Variants in SHISA9 observed in about 807,000 individuals in gnomAD.
The protein encoded by SHISA9 is shisa family member 9, also known as protein shisa-9.
In SHISA9, 13 loss-of-function variants were observed where a neutral mutation model predicts 38.0. That is an observed-to-expected ratio of 0.34 (90% CI 0.22 to 0.54). SHISA9 has a LOEUF of 0.54. Ranked by LOEUF, SHISA9 falls within the 20% of genes least tolerant of loss-of-function variation. The pLI is 0.91. For synonymous variants in SHISA9, 275 were observed against 242.0 expected, an observed-to-expected ratio of 1.14 and a Z score of -1.27; for missense variants, 538 against 575.8, an observed-to-expected ratio of 0.93 and a Z score of 0.67.
chr16:13,041,527 C>G (rs1299927273), intron 2 of SHISA9, among the ~76,000 whole-genome samples: 1 of 152,220 alleles, frequency 6.6e-6, no homozygotes, highest in East Asian at 1.9e-4. Flanking sequence ...TTCCTACCAG[C>G]CACTCAAGTT....
intron 2 of SHISA9, among the ~76,000 whole-genome samples, chr16:12,956,819 A>G (rs2071841670): frequency 1.3e-5 from 2 of 152,154 alleles, no homozygotes; most frequent in Non-Finnish European, 1.5e-5. Flanking sequence ...CCCAATCTCC[A>G]CCATTACACA....
the SHISA9 span, among the ~76,000 whole-genome samples, chr16:13,454,143 C>T: frequency 2.6e-5 from 4 of 152,096 alleles, no homozygotes; most frequent in Admixed American, 6.6e-5. Context: ...AAAGGGCTCC[C>T]CCTGCAGGAC....
intron 2 of SHISA9, among the ~76,000 whole-genome samples, chr16:13,001,292 A>G (rs138267103): frequency 0.013 from 1,945 of 152,266 alleles, 12 homozygotes; most frequent in South Asian, 0.027. Flanking sequence ...GATCGCCACA[A>G]TAATTAGGGG....
chr16:13,281,375 T>A, the SHISA9 span, among the ~76,000 whole-genome samples: 14 of 151,918 alleles, frequency 9.2e-5, no homozygotes, highest in Admixed American at 7.2e-4. Context: ...CTTTTTTCGA[T>A]TATTTTAATC....
the SHISA9 span, among the ~76,000 whole-genome samples, chr16:13,278,994 G>T: frequency 2.6e-5 from 4 of 151,928 alleles, no homozygotes; most frequent in Admixed American, 2.6e-4. Flanking sequence ...CTTGAGGTGT[G>T]ACCTTAGAAT....
the SHISA9 span, among the ~76,000 whole-genome samples, chr16:13,517,293 T>C: frequency 6.6e-6 from 1 of 152,214 alleles, no homozygotes; most frequent in Admixed American, 6.5e-5. Flanking sequence ...GGAACTACCC[T>C]GAAGATACCT....
chr16:13,408,473 G>C, the SHISA9 span, among the ~76,000 whole-genome samples: 1 of 151,994 alleles, frequency 6.6e-6, no homozygotes, highest in African/African-American at 2.4e-5. Context: ...CAATAATTTT[G>C]TAGTATTATT....
chr16:13,530,543 G>A, the SHISA9 span, among the ~76,000 whole-genome samples: 1 of 151,950 alleles, frequency 6.6e-6, no homozygotes, highest in Non-Finnish European at 1.5e-5. Flanking sequence ...ATCCTTGTTG[G>A]TAGCAATGAC....
intron 4 of SHISA9, among the ~76,000 whole-genome samples, chr16:13,232,486 C>T (rs1055348403): frequency 6.6e-6 from 1 of 152,176 alleles, no homozygotes; most frequent in African/African-American, 2.4e-5. Context: ...AAAGGTCAAA[C>T]TCTGTCAAAT....
chr16:13,526,193 CTT>C, the SHISA9 span, among the ~76,000 whole-genome samples: 1 of 152,334 alleles, frequency 6.6e-6, no homozygotes, highest in South Asian at 2.1e-4. Context: ...AGTTATTTCT[CTT>C]GTTATCAAAA....
At chr16:13,086,559 A>G (rs2073713148) in intron 2 of SHISA9, among the ~76,000 whole-genome samples, 1 of 152,120 alleles carries the variant, frequency 6.6e-6, no homozygotes, top group Admixed American at 6.5e-5. Context: ...GATAAGAAAC[A>G]TGCTTCAGTT....
chr16:13,026,403 C>G (rs2141872191), intron 2 of SHISA9, among the ~76,000 whole-genome samples: 1 of 152,268 alleles, frequency 6.6e-6, no homozygotes, highest in Non-Finnish European at 1.5e-5. Context: ...TAACAGGATT[C>G]CCCTCTTTTT....
At chr16:13,262,654 A>AAGGGAGGAAGGGAGGG in the SHISA9 span, among the ~76,000 whole-genome samples, 1 of 47,716 alleles carries the variant, frequency 2.1e-5, no homozygotes, top group Non-Finnish European at 4.1e-5. Context: ...GGAAGGAAGG[A>AAGGGAGGAAGGGAGGG]AGGAAGGAAG....
chr16:13,381,681 T>C, the SHISA9 span, among the ~76,000 whole-genome samples: 1 of 152,170 alleles, frequency 6.6e-6, no homozygotes, highest in African/African-American at 2.4e-5. Context: ...AAAAACCTAA[T>C]TTCTAAATTA....
the SHISA9 span, among the ~76,000 whole-genome samples, chr16:13,334,329 T>C: frequency 2.0e-5 from 3 of 152,190 alleles, no homozygotes; most frequent in Non-Finnish European, 4.4e-5. Flanking sequence ...CATGAACACA[T>C]GTGGCTGACT....
At chr16:13,143,015 T>TTTTATTTTATTTTATTTTATTTTA (rs1555465408) in intron 2 of SHISA9, among the ~76,000 whole-genome samples, 6 of 151,080 alleles carry the variant, frequency 4.0e-5, no homozygotes, top group African/African-American at 1.5e-4. Flanking sequence ...TTTTATTTTA[T>TTTTATTTTATTTTATTTTATTTTA]TTTATTTTAA....
intron 2 of SHISA9, among the ~76,000 whole-genome samples, chr16:13,176,119 C>G (rs1375759685): frequency 6.6e-6 from 1 of 151,646 alleles, no homozygotes; most frequent in East Asian, 1.9e-4. Context: ...TAATAAAAAC[C>G]TGCCTAATGT....
the SHISA9 span, chr16:13,458,398 G>T: frequency 1.6e-5 from 6 of 375,024 alleles, no homozygotes; most frequent in African/African-American, 2.1e-5. Flanking sequence ...TTATGATGCT[G>T]TAACGATGGG....
intron 2 of SHISA9, among the ~76,000 whole-genome samples, chr16:13,120,426 T>C (rs2074074362): frequency 6.6e-6 from 1 of 152,192 alleles, no homozygotes; most frequent in Non-Finnish European, 1.5e-5. Context: ...ACCACCAGGC[T>C]GCATGGAAGC....
Sources: gnomAD v4.1 joint callset for allele counts (sites outside exome capture counted in the v4.1 genomes callset) on GRCh38, gnomAD v4.1.1 for gene constraint, MANE v1.5 for transcripts, NCBI Gene and HGNC (gene_info 2026-07-23, HGNC 2026-07-21) for gene names.